TNK1: variants seen among roughly 807,000 people sequenced by gnomAD.
The protein encoded by TNK1 is tyrosine kinase non receptor 1, also known as non-receptor tyrosine-protein kinase TNK1.
Under a neutral mutation model 65.2 loss-of-function variants are expected in TNK1, and 53 were observed. The observed-to-expected ratio is 0.81, with a 90% CI of 0.65 to 1.02. The LOEUF (loss-of-function observed/expected upper bound fraction) is 1.02. TNK1 is among the 50% of genes least tolerant of loss of function. The pLI is 0.00. For synonymous variants in TNK1, 353 were observed against 364.6 expected (o/e 0.97, Z 0.36); for missense variants, 837 against 878.4 (o/e 0.95, Z 0.60).
chr17:7,386,889 C>T (rs1057237828), intron 8 of TNK1, 101 bp from the exon 9 acceptor site: 19 of 1,408,254 alleles, frequency 1.3e-5, no homozygotes, highest in African/African-American at 7.2e-5. Flanking sequence ...CAGGCAGATG[C>T]GGCTCCAAGG....
intron 7 of TNK1, 111 bp from the exon 8 acceptor site, chr17:7,386,450 T>G: frequency 1.2e-6 from 1 of 804,596 alleles, no homozygotes; most frequent in Admixed American, 2.2e-5. Context: ...AGTCCCACCC[T>G]GGGCCCAGCA....
upstream of TNK1, chr17:7,380,460 C>G (rs145738330): frequency 6.6e-6 from 1 of 152,436 alleles, no homozygotes; most frequent in Non-Finnish European, 1.5e-5. Context: ...GCAGGCGTTA[C>G]GCTGGAAGGA....
In TNK1 at chr17:7,389,197, C is replaced by T; in HGVS notation, c.*113C>T. 2.4e-6 allele frequency: 2 copies of T among 839,076 alleles called. No individual in the cohort carries two copies. Among genetic ancestry groups the T allele is most frequent in the South Asian group, 1.7e-5 (1 of 59,464 alleles). The allele number at this position is 839,076 out of a possible 1,614,324, so 52.0% of individuals were successfully genotyped here. The stretch of plus-strand genomic sequence containing the variant: ...GGTCCCGACAGGGGTAGACGTTCCA[C>T]CTGGGGAGATCCCACCTGCCGTAGG... On this transcript the variant is annotated 3_prime_UTR_variant, in exon 13 of 13. Transcript: ENST00000688331.
chr17:7,385,352 C>T (rs564638037), intron 7 of TNK1, among the ~76,000 whole-genome samples: 57 of 127,284 alleles, frequency 4.5e-4, no homozygotes, highest in African/African-American at 1.5e-3. Context: ...GCAAAAAGAG[C>T]GAACTCCGTC....
chr17:7,382,826 T>A lies in TNK1; in HGVS notation c.-91-10T>A. On this transcript the variant is annotated splice_polypyrimidine_tract_variant and intron_variant, in intron 1 of 12. Coordinates refer to ENST00000688331, the MANE Select transcript of TNK1 (RefSeq NM_003985.6). This position sits in a 1 kb window ranked among gnomAD's most constrained non-coding sequence, Gnocchi z 4.1. ...TGCCTCTGTACCTGAGTGTTTCTAA[T>A]GACTTGCAGGTGGAGCTGGAGACCT... is the stretch of plus-strand genomic sequence containing the variant. The A allele has an allele frequency of 7.7e-7, 1 of 1,305,454 alleles. No individual in the cohort carries two copies. The highest frequency in any genetic ancestry group is 1.1e-6 in the Non-Finnish European group (1 of 942,390). The allele number at this position is 1,305,454 out of a possible 1,614,324, so 80.9% of individuals were successfully genotyped here.
Position 7,387,492 on chromosome 17 carries a change from T to C in TNK1, c.1477+35T>C. The stretch of plus-strand genomic sequence containing the variant: ...GTGGACTCCAGAGTCTCTGAGGAGA[T>C]CAAGACCAGTCCTTCAATTCCGACC... On this transcript the variant is annotated intron_variant, in intron 10 of 12. Transcript: ENST00000688331. 3 of 1,542,610 alleles carry C rather than the reference T, an allele frequency of 1.9e-6. No homozygotes were observed. In the South Asian group the frequency reaches 3.6e-5, roughly 18 times the overall value.
chr17:7,387,891 A>C (rs560800461), intron 10 of TNK1, among the ~76,000 whole-genome samples: 1 of 152,296 alleles, frequency 6.6e-6, no homozygotes, highest in South Asian at 2.1e-4. Context: ...GGCGTGAGAC[A>C]CTGCGTCCGG....
In TNK1 at chr17:7,388,790, G is replaced by A. The variant is rs1375682336; in HGVS notation, c.1779G>A (p.Val593=). ...GAGTGAGGCTTTGTCTGTCACAGGT[G>A]GAGCTGAGTGTGCATGGGGTCACCC... ...DPELQRKIME[V]ELSVHGVTHQ... is the part of the protein sequence containing the mutation. The change falls in exon 12 of 13, where the codon GTG becomes GTA. Residue 593 remains valine, a splice_region_variant and synonymous_variant. Coordinates refer to ENST00000688331, the MANE Select transcript of TNK1 (RefSeq NM_003985.6). This position sits in a 1 kb window ranked among gnomAD's most constrained non-coding sequence, Gnocchi z 4.5. 5.0e-6 allele frequency: 8 copies of A among 1,606,082 alleles called. No homozygotes were observed. The highest frequency in any genetic ancestry group is 6.8e-6 in the Non-Finnish European group (8 of 1,176,038).
Position 7,383,585 on chromosome 17 carries a change from G to A in TNK1, c.395G>A (p.Arg132Gln), listed in dbSNP as rs1317051507. The A allele has an allele frequency of 3.4e-5, 55 of 1,608,488 alleles. No individual in the cohort carries two copies. The highest frequency in any genetic ancestry group is 4.6e-5 in the Non-Finnish European group (54 of 1,176,838). The stretch of plus-strand genomic sequence containing the variant: ...TCAGGCTGCTTCGGTGTGGTGCACC[G>A]AGGGCTGTGGACGCTGCCCAGTGGC... Reference protein sequence around the residue: ...LGSGCFGVVHRGLWTLPSGKS... With the variant: ...LGSGCFGVVHQGLWTLPSGKS... Residue 132 changes from arginine to glutamine, a missense_variant, in exon 4 of 13, where the codon CGA becomes CAA. Transcript: ENST00000688331.
chr17:7,382,546 GC>G lies in TNK1; in HGVS notation c.-91-289del, dbSNP rs1904878155. 6.6e-6 allele frequency among the ~76,000 whole-genome samples: 1 copy of G among 152,178 alleles called. No homozygotes were observed. Among genetic ancestry groups the G allele is most frequent in the South Asian group, 2.1e-4 (1 of 4,832 alleles). ...TGTGTATGAGTGAGTTTGTGCCACT[GC>G]GTAGCTCAGGTCTAAAAGGGCAGTG... On this transcript the variant is annotated intron_variant, in intron 1 of 12. Coordinates refer to ENST00000688331, the MANE Select transcript of TNK1 (RefSeq NM_003985.6). This position sits in a 1 kb window ranked among gnomAD's most constrained non-coding sequence, Gnocchi z 4.1.
In TNK1 at chr17:7,384,647, A is replaced by T. The variant is rs1905075726; in HGVS notation, c.1030A>T (p.Arg344Trp). ...GCTGGAGGACAGAGCCCGGCTGCCT[A>T]GGCCTCCCCTCTGCTCCAGGGCCCT... Reference protein sequence around the residue: ...QRLEDRARLPRPPLCSRALYS... With the variant: ...QRLEDRARLPWPPLCSRALYS... Residue 344 changes from arginine (R) to tryptophan (W), a missense_variant, in exon 7 of 13, where the codon AGG becomes TGG. Transcript: ENST00000688331. The T allele has an allele frequency of 6.2e-7, 1 of 1,608,380 alleles. No homozygotes were observed. The highest frequency in any genetic ancestry group is 8.5e-7 in the Non-Finnish European group (1 of 1,177,902).
chr17:7,383,243 C>T lies in TNK1; in HGVS notation c.164-7C>T. On this transcript the variant is annotated splice_polypyrimidine_tract_variant and splice_region_variant and intron_variant, in intron 2 of 12. Transcript: ENST00000688331. ...TCCACTCCAGCCCTGATTCTGGCCTCCCACAGCCCAGCGCAGACTGTCCGA... is the reference window on the plus strand; with the variant it reads ...TCCACTCCAGCCCTGATTCTGGCCTTCCACAGCCCAGCGCAGACTGTCCGA... 1 of 1,614,012 alleles carries T rather than the reference C, an allele frequency of 6.2e-7. No individual in the cohort carries two copies. Among genetic ancestry groups the T allele is most frequent in the Non-Finnish European group, 8.5e-7 (1 of 1,179,886 alleles).
rs1418680438 is a variant in TNK1 at position 7,383,262 on chromosome 17, T to G, written c.176T>G (p.Leu59Arg). ...TGGCCTCCCACAGCCCAGCGCAGAC[T>G]GTCCGAAGCTCTGAAAAGGCTACGT... ...IGMGRPAQRR[L>R]SEALKRLRSG... The change falls in exon 3 of 13, where the codon CTG becomes CGG. Residue 59 changes from leucine to arginine, a missense_variant. By Grantham distance (102) the Leu-to-Arg change is moderately radical. Coordinates refer to ENST00000688331, the MANE Select transcript of TNK1 (RefSeq NM_003985.6). 1.9e-6 allele frequency: 3 copies of G among 1,614,034 alleles called. No individual in the cohort carries two copies. The highest frequency in any genetic ancestry group is 2.5e-6 in the Non-Finnish European group (3 of 1,179,900).
chr17:7,382,897 C>T lies in TNK1; in HGVS notation c.-30C>T. 1 of 1,611,256 alleles carries T rather than the reference C, an allele frequency of 6.2e-7. No individual in the cohort carries two copies. The highest frequency in any genetic ancestry group is 8.5e-7 in the Non-Finnish European group (1 of 1,178,336). ...TGAGCTCACCATCTGAAGGAGAGTG[C>T]CATCATCCTTAGGAACTCCTTCTCC... On this transcript the variant is annotated 5_prime_UTR_variant, in exon 2 of 13. Coordinates refer to ENST00000688331, the MANE Select transcript of TNK1 (RefSeq NM_003985.6). This position sits in a 1 kb window ranked among gnomAD's most constrained non-coding sequence, Gnocchi z 4.1.
intron 4 of TNK1, 37 bp downstream of exon 4, chr17:7,383,653 T>A: frequency 6.3e-7 from 1 of 1,596,778 alleles, no homozygotes; most frequent in Non-Finnish European, 8.5e-7. Context: ...CCAGGCCAGC[T>A]GCCCCCTCTG....
chr17:7,383,390 G>A, intron 3 of TNK1, 35 bp from the exon 4 acceptor site: 5 of 1,613,900 alleles, frequency 3.1e-6, no homozygotes, highest in Non-Finnish European at 4.2e-6. Flanking sequence ...GGGGGCGCAG[G>A]GCTCTGCATA....
chr17:7,389,645 G>A lies in TNK1; in HGVS notation c.*561G>A. 5.0e-6 allele frequency: 1 copy of A among 199,088 alleles called. No individual in the cohort carries two copies. Among genetic ancestry groups the A allele is most frequent in the Non-Finnish European group, 1.0e-5 (1 of 99,602 alleles). The allele number at this position is 199,088 out of a possible 1,614,324, so 12.3% of individuals were successfully genotyped here. A position where few individuals can be genotyped will look rare whatever the true frequency, so the allele number is the denominator to read the frequency against. On this transcript the variant is annotated 3_prime_UTR_variant, in exon 13 of 13. Coordinates refer to ENST00000688331, the MANE Select transcript of TNK1 (RefSeq NM_003985.6). ...GTAGTATGGATTATGAGATGGACTAGCCCCTGCCCCAGCCCAGCTCTCACA... is the reference window on the plus strand; with the variant it reads ...GTAGTATGGATTATGAGATGGACTAACCCCTGCCCCAGCCCAGCTCTCACA...
chr17:7,386,902 C>G, intron 8 of TNK1, 88 bp from the exon 9 acceptor site: 1 of 1,446,884 alleles, frequency 6.9e-7, no homozygotes, highest in Non-Finnish European at 9.2e-7. Flanking sequence ...CTCCAAGGCA[C>G]ATAGCCTAGT....
intron 7 of TNK1, among the ~76,000 whole-genome samples, chr17:7,385,243 T>C (rs1042495120): frequency 3.3e-5 from 5 of 151,478 alleles, no homozygotes; most frequent in Non-Finnish European, 5.9e-5. Context: ...TGCATGCCTG[T>C]AATCCCAGCT....
Sources: gnomAD v4.1 joint callset for allele counts (sites outside exome capture counted in the v4.1 genomes callset) on GRCh38, gnomAD v4.1.1 for gene constraint, Gnocchi (gnomAD v3.1) non-coding constraint, MANE v1.5 for transcripts, NCBI Gene and HGNC (gene_info 2026-07-23, HGNC 2026-07-21) for gene names.